The following MCC variants were observed in gnomAD, a reference collection of about 807,000 sequenced individuals.
MCC encodes the protein MCC regulator of Wnt signaling pathway.
In MCC, 90 loss-of-function variants were observed where a neutral mutation model predicts 116.2. The observed-to-expected ratio is 0.77, with a 90% CI of 0.65 to 0.92. The LOEUF (loss-of-function observed/expected upper bound fraction) is 0.92, where lower values mean the gene tolerates loss of function less well. Ranked by LOEUF, MCC falls within the 40% of genes least tolerant of loss-of-function variation. MCC has a pLI of 0.00. For missense variants in MCC, 1,516 were observed against 1,312.2 expected (o/e 1.16, Z -2.40); for synonymous variants, 578 against 510.5 (o/e 1.13, Z -1.78).
intron 3 of MCC, among the ~76,000 whole-genome samples, chr5:113,300,650 A>G (rs1358226789): frequency 6.6e-6 from 1 of 152,150 alleles, no homozygotes; most frequent in Non-Finnish European, 1.5e-5. Context: ...GGGAGCCCTC[A>G]AAGTACATAC....
intron 4 of MCC, among the ~76,000 whole-genome samples, chr5:113,150,624 GA>G (rs1759801241): frequency 6.6e-6 from 1 of 151,600 alleles, no homozygotes; most frequent in Non-Finnish European, 1.5e-5. Flanking sequence ...AATACCCCAA[GA>G]GAAAAGGAAA....
chr5:113,200,230 G>C (rs59101992), intron 3 of MCC, among the ~76,000 whole-genome samples: 9,624 of 152,256 alleles, frequency 0.063, 905 homozygotes, highest in African/African-American at 0.2. Context: ...AAGGGAGCTG[G>C]AATCTCATTA....
At chr5:113,403,308 T>A (rs1293978030) in intron 1 of MCC, among the ~76,000 whole-genome samples, 2 of 152,214 alleles carry the variant, frequency 1.3e-5, no homozygotes, top group Non-Finnish European at 2.9e-5. Flanking sequence ...CATTTAAGTC[T>A]ATTTCAGTAT....
At chr5:113,089,630 G>T (rs547872984) in intron 8 of MCC, among the ~76,000 whole-genome samples, 11 of 152,244 alleles carry the variant, frequency 7.2e-5, no homozygotes, top group Admixed American at 1.3e-4. Flanking sequence ...TGCTATGGTA[G>T]CCTGGTGCCA....
At chr5:113,421,555 C>A (rs747108260) in intron 1 of MCC, among the ~76,000 whole-genome samples, 1 of 152,148 alleles carries the variant, frequency 6.6e-6, no homozygotes, top group Non-Finnish European at 1.5e-5. Flanking sequence ...CTTTTTGTAT[C>A]CCCATCTGTT....
chr5:113,109,714 T>C (rs1018516322), intron 6 of MCC, among the ~76,000 whole-genome samples: 7 of 152,160 alleles, frequency 4.6e-5, no homozygotes, highest in African/African-American at 1.4e-4. Flanking sequence ...AATAGGCTGA[T>C]ATGAAACAGA....
chr5:113,295,744 A>G (rs1420942520), intron 3 of MCC, among the ~76,000 whole-genome samples: 1 of 152,220 alleles, frequency 6.6e-6, no homozygotes, highest in Non-Finnish European at 1.5e-5. Context: ...GAGGGGAACT[A>G]GGATTTTTCT....
chr5:113,103,723 T>G (rs550305840), intron 7 of MCC, among the ~76,000 whole-genome samples: 1 of 152,312 alleles, frequency 6.6e-6, no homozygotes, highest in South Asian at 2.1e-4. Flanking sequence ...TCAGTAAGCC[T>G]TGACTTTCCC....
chr5:113,368,465 A>G (rs1768756096), intron 2 of MCC, among the ~76,000 whole-genome samples: 1 of 152,164 alleles, frequency 6.6e-6, no homozygotes, highest in African/African-American at 2.4e-5. Context: ...TGAACGGTGA[A>G]CATCCTGCAT....
chr5:113,052,384 A>G (rs1752543331), intron 15 of MCC, among the ~76,000 whole-genome samples: 1 of 151,702 alleles, frequency 6.6e-6, no homozygotes, highest in Non-Finnish European at 1.5e-5. Context: ...GAATCAGCCA[A>G]AGCAGCATGA....
intron 3 of MCC, among the ~76,000 whole-genome samples, chr5:113,204,093 G>T (rs1474606196): frequency 6.6e-6 from 1 of 152,150 alleles, no homozygotes; most frequent in East Asian, 1.9e-4. Flanking sequence ...AGAGGAATGA[G>T]TATAAAGCCT....
At chr5:113,243,683 C>G (rs193227305) in intron 3 of MCC, among the ~76,000 whole-genome samples, 27 of 151,068 alleles carry the variant, frequency 1.8e-4, no homozygotes, top group Admixed American at 1.0e-3. Flanking sequence ...ATCCTTCTTT[C>G]TGTTTAAAAC....
At chr5:113,203,059 C>T (rs567597057) in intron 3 of MCC, among the ~76,000 whole-genome samples, 2 of 152,296 alleles carry the variant, frequency 1.3e-5, no homozygotes, top group East Asian at 1.9e-4. Flanking sequence ...CACTCCCCTT[C>T]CCATTTGTAG....
chr5:113,028,815 A>C, intron 18 of MCC, 119 bp downstream of exon 18: 27 of 1,210,842 alleles, frequency 2.2e-5, no homozygotes, highest in Non-Finnish European at 2.7e-5. Flanking sequence ...CCCACTTTCT[A>C]GAGTTAGTTC....
chr5:113,057,605 C>T (rs1460145699), intron 14 of MCC, among the ~76,000 whole-genome samples: 1 of 152,318 alleles, frequency 6.6e-6, no homozygotes, highest in East Asian at 1.9e-4. Flanking sequence ...GAGCAAAGCG[C>T]GCCCACAGCA....
chr5:113,290,104 C>T (rs1337562880), intron 3 of MCC, among the ~76,000 whole-genome samples: 1 of 152,180 alleles, frequency 6.6e-6, no homozygotes, highest in African/African-American at 2.4e-5. Flanking sequence ...AGGTAGAGAA[C>T]AACTTTCTTC....
chr5:113,157,727 T>C (rs1760251439), intron 3 of MCC, among the ~76,000 whole-genome samples: 1 of 152,246 alleles, frequency 6.6e-6, no homozygotes, highest in Admixed American at 6.5e-5. Context: ...TCCCCCTTAA[T>C]GGAGGGAGGT....
At chr5:113,484,142 A>G (rs1373225223) in intron 1 of MCC, among the ~76,000 whole-genome samples, 2 of 152,150 alleles carry the variant, frequency 1.3e-5, no homozygotes, top group Non-Finnish European at 2.9e-5. Context: ...AGTATCCATA[A>G]CTATAGTGGG....
intron 3 of MCC, among the ~76,000 whole-genome samples, chr5:113,170,377 T>G (rs1208014322): frequency 6.6e-6 from 1 of 152,164 alleles, no homozygotes; most frequent in Non-Finnish European, 1.5e-5. Flanking sequence ...CCTACCTCCT[T>G]AGGCAAGAAG....
Sources: gnomAD v4.1 joint callset for allele counts (sites outside exome capture counted in the v4.1 genomes callset) on GRCh38, gnomAD v4.1.1 for gene constraint, MANE v1.5 for transcripts, NCBI Gene and HGNC (gene_info 2026-07-23, HGNC 2026-07-21) for gene names.